MARCHF3: variants seen among roughly 807,000 people sequenced by gnomAD.
MARCHF3 encodes E3 ubiquitin-protein ligase MARCHF3.
In MARCHF3, 13 loss-of-function variants were observed where a neutral mutation model predicts 24.2. That is an observed-to-expected ratio of 0.54 (90% confidence interval 0.35 to 0.85). The LOEUF (loss-of-function observed/expected upper bound fraction) is 0.85, where lower values mean the gene tolerates loss of function less well. MARCHF3 is among the 40% of genes least tolerant of loss of function. The pLI is 0.01. For missense variants in MARCHF3, 276 were observed against 325.0 expected (o/e 0.85, Z 1.16); for synonymous variants, 144 against 137.3 (o/e 1.05, Z -0.34).
chr5:126,875,753 G>A (rs967487011), intron 4 of MARCHF3, among the ~76,000 whole-genome samples: 1 of 152,164 alleles, frequency 6.6e-6, no homozygotes, highest in Non-Finnish European at 1.5e-5. Context: ...GAAGCTGGGG[G>A]AGCAGGGAAG....
chr5:126,962,408 T>G (rs1460924423), intron 1 of MARCHF3, among the ~76,000 whole-genome samples: 2 of 151,984 alleles, frequency 1.3e-5, no homozygotes, highest in Admixed American at 6.6e-5. Flanking sequence ...TTAACAATAA[T>G]CATATATGTG....
At chr5:126,963,073 G>A (rs1276601263) in intron 1 of MARCHF3, among the ~76,000 whole-genome samples, 5 of 152,048 alleles carry the variant, frequency 3.3e-5, no homozygotes, top group Non-Finnish European at 7.4e-5. Flanking sequence ...CTTATAGCAT[G>A]TTGTAAGCCT....
chr5:126,869,620 C>A lies in MARCHF3; in HGVS notation c.*1013G>T, dbSNP rs2126761921. 8.9e-6 allele frequency: 1 copy of A among 111,856 alleles called. No homozygotes were observed. Among genetic ancestry groups the A allele is most frequent in the African/African-American group, 3.5e-5 (1 of 28,680 alleles). 6.9% of individuals were successfully genotyped at this position (111,856 alleles called of 1,614,324 possible). On this transcript the variant is annotated 3_prime_UTR_variant, in exon 5 of 5. Coordinates refer to ENST00000308660, the MANE Select transcript of MARCHF3 (RefSeq NM_178450.5). ...TTTTTTTTTTGCCACATCTACCTGT[C>A]AAGCTAGAAATTCAATAGAGCAATG...
rs537764162 is a variant in MARCHF3 at position 126,885,060 on chromosome 5, A to C, written c.394-6666T>G. On this transcript the variant is annotated intron_variant, in intron 3 of 4. Coordinates refer to ENST00000308660, the MANE Select transcript of MARCHF3 (RefSeq NM_178450.5). ...TTCTCATTATTTAGGTCTCAGCTCA[A>C]ACGGCACCTTCTCATGGAAAACACT... 2.0e-5 allele frequency among the ~76,000 whole-genome samples: 3 copies of C among 152,224 alleles called. No individual in the cohort carries two copies. In the East Asian group the frequency reaches 5.8e-4, roughly 29 times the overall value.
At chr5:126,972,679 G>A (rs1157675330) in intron 1 of MARCHF3, among the ~76,000 whole-genome samples, 3 of 152,094 alleles carry the variant, frequency 2.0e-5, no homozygotes, top group Non-Finnish European at 2.9e-5. Flanking sequence ...TTCATTTTCT[G>A]CAGCTGCTGT....
intron 1 of MARCHF3, among the ~76,000 whole-genome samples, chr5:126,983,274 A>T (rs1227452244): frequency 1.3e-5 from 2 of 152,164 alleles, no homozygotes; most frequent in Non-Finnish European, 2.9e-5. Context: ...TCCTTCTTAA[A>T]AATCGGCTCC....
chr5:127,023,711 A>C (rs1218139889), intron 1 of MARCHF3, among the ~76,000 whole-genome samples: 2 of 151,292 alleles, frequency 1.3e-5, no homozygotes, highest in Admixed American at 1.3e-4. Flanking sequence ...AGCCTGGGTG[A>C]CATAGCGAGA....
chr5:126,953,302 T>C (rs1313954278), intron 1 of MARCHF3, among the ~76,000 whole-genome samples: 2 of 152,208 alleles, frequency 1.3e-5, no homozygotes, highest in Non-Finnish European at 2.9e-5. Flanking sequence ...AACTTCATGT[T>C]GTAATTCACA....
At chr5:126,993,063 C>T (rs146407888) in intron 1 of MARCHF3, among the ~76,000 whole-genome samples, 283 of 152,270 alleles carry the variant, frequency 1.9e-3, no homozygotes, top group African/African-American at 6.5e-3. Context: ...TGAGCCACTG[C>T]GCCTGGCCGA....
rs1448813684 is a variant in MARCHF3, at chr5:126,904,279, G to T, written c.393+10651C>A. Among the ~76,000 whole-genome samples, 104 of 150,260 alleles carry T rather than the reference G, an allele frequency of 6.9e-4. No individual in the cohort carries two copies. The South Asian group carries it at 0.01, about 15-fold the overall frequency. ...AATAATGCCGCAATAAACATACGTGGGCATGTGTCTTTATAGCAGCATGAT... is the reference window on the plus strand; with the variant it reads ...AATAATGCCGCAATAAACATACGTGTGCATGTGTCTTTATAGCAGCATGAT... On this transcript the variant is annotated intron_variant, in intron 3 of 4. Coordinates refer to ENST00000308660, the MANE Select transcript of MARCHF3 (RefSeq NM_178450.5).
At chr5:126,920,627 G>T (rs1007384120) in intron 1 of MARCHF3, among the ~76,000 whole-genome samples, 8 of 152,102 alleles carry the variant, frequency 5.3e-5, no homozygotes, top group African/African-American at 1.4e-4. Context: ...GGTAAGGAGG[G>T]GGTGCGCAGA....
intron 3 of MARCHF3, among the ~76,000 whole-genome samples, chr5:126,901,006 C>T (rs543052873): frequency 2.0e-5 from 3 of 152,110 alleles, no homozygotes; most frequent in East Asian, 3.9e-4. Flanking sequence ...GTGCCTGGAC[C>T]ACCTGCATTA....
chr5:127,012,262 T>A (rs1752496699), intron 1 of MARCHF3, among the ~76,000 whole-genome samples: 1 of 152,196 alleles, frequency 6.6e-6, no homozygotes, highest in Admixed American at 6.5e-5. Flanking sequence ...TAATCTTATT[T>A]TGTGGTAATT....
intron 1 of MARCHF3, among the ~76,000 whole-genome samples, chr5:126,952,607 C>T (rs1012816222): frequency 1.6e-4 from 25 of 152,080 alleles, no homozygotes; most frequent in African/African-American, 2.4e-4. Flanking sequence ...CCTTTCCCCA[C>T]GTTTTGTTAT....
intron 3 of MARCHF3, among the ~76,000 whole-genome samples, chr5:126,883,482 A>C (rs953695822): frequency 6.6e-6 from 1 of 152,212 alleles, no homozygotes; most frequent in South Asian, 2.1e-4. Flanking sequence ...TAAGTACAAT[A>C]AATAAACAAA....
At chr5:126,986,561 A>G (rs1751573545) in intron 1 of MARCHF3, among the ~76,000 whole-genome samples, 1 of 152,240 alleles carries the variant, frequency 6.6e-6, no homozygotes, top group African/African-American at 2.4e-5. Flanking sequence ...AAACAGTTTC[A>G]TTTAAATAGG....
At chr5:126,913,144 C>A (rs1038842235) in intron 3 of MARCHF3, among the ~76,000 whole-genome samples, 1 of 152,214 alleles carries the variant, frequency 6.6e-6, no homozygotes, top group South Asian at 2.1e-4. Context: ...ACATGGATTT[C>A]GTCTGAGAAA....
At chr5:127,005,128 A>C (rs926217391) in intron 1 of MARCHF3, among the ~76,000 whole-genome samples, 2 of 149,542 alleles carry the variant, frequency 1.3e-5, no homozygotes, top group Non-Finnish European at 3.0e-5. Flanking sequence ...ACATGCTCAG[A>C]AAGTCTTTTT....
chr5:126,983,432 T>C (rs1430889669), intron 1 of MARCHF3, among the ~76,000 whole-genome samples: 1 of 152,134 alleles, frequency 6.6e-6, no homozygotes, highest in Non-Finnish European at 1.5e-5. Context: ...CACAAGATCA[T>C]GTATCAGAAA....
Sources: allele counts gnomAD v4.1 joint callset (sites outside exome capture counted in the v4.1 genomes callset), GRCh38; gene constraint gnomAD v4.1.1; transcripts MANE v1.5; gene names NCBI Gene and HGNC (gene_info 2026-07-23, HGNC 2026-07-21).